The following CDH12 variants were observed in gnomAD, a reference collection of about 807,000 sequenced individuals.
CDH12 encodes the protein cadherin 12, also known as cadherin-12.
A neutral mutation model predicts 74.1 loss-of-function variants in CDH12; 41 were observed. The ratio of observed to expected loss-of-function variants is 0.55; its 90% CI spans 0.43 to 0.72. The LOEUF (loss-of-function observed/expected upper bound fraction) is 0.72, where lower values mean the gene tolerates loss of function less well. Among genes scored for constraint, CDH12 ranks in the 30% least tolerant of loss-of-function variants. CDH12 has a pLI of 0.00. For synonymous variants in CDH12, 399 were observed against 355.0 expected (o/e 1.12, Z -1.39); for missense variants, 945 against 977.2 (o/e 0.97, Z 0.44).
chr5:21,863,736 A>T (rs1374823032), intron 6 of CDH12, among the ~76,000 whole-genome samples: 1 of 152,196 alleles, frequency 6.6e-6, no homozygotes, highest in African/African-American at 2.4e-5. Context: ...AAAAGTAAGC[A>T]GCATTACTTT....
chr5:22,121,419 G>T (rs1227238151), intron 4 of CDH12, among the ~76,000 whole-genome samples: 1 of 152,150 alleles, frequency 6.6e-6, no homozygotes, highest in Non-Finnish European at 1.5e-5. Flanking sequence ...CATCCATTTG[G>T]CATTTGGAGG....
chr5:22,145,113 T>C (rs956554099), intron 4 of CDH12, among the ~76,000 whole-genome samples: 6 of 152,074 alleles, frequency 3.9e-5, no homozygotes, highest in African/African-American at 1.2e-4. Flanking sequence ...TCTGGGAACA[T>C]AGAAACTTGA....
intron 4 of CDH12, among the ~76,000 whole-genome samples, chr5:22,149,857 T>C (rs981182040): frequency 3.3e-5 from 5 of 152,060 alleles, no homozygotes; most frequent in African/African-American, 2.4e-5. Flanking sequence ...TAGCCAGGCA[T>C]GGTGGCAGGT....
intron 4 of CDH12, among the ~76,000 whole-genome samples, chr5:22,140,047 C>T (rs923383344): frequency 5.9e-5 from 9 of 152,198 alleles, no homozygotes; most frequent in Admixed American, 1.3e-4. Context: ...AACAAATCCC[C>T]GGAACTTTCA....
chr5:22,732,971 A>C (rs1279745059), intron 1 of CDH12, among the ~76,000 whole-genome samples: 1 of 151,900 alleles, frequency 6.6e-6, no homozygotes, highest in East Asian at 1.9e-4. Flanking sequence ...AACTAGTTTT[A>C]TTTTTTATAA....
intron 10 of CDH12, among the ~76,000 whole-genome samples, chr5:21,789,024 A>G (rs1479109848): frequency 6.6e-6 from 1 of 151,696 alleles, no homozygotes; most frequent in Admixed American, 6.6e-5. Context: ...TTCTTTAATG[A>G]TTTTTATTAT....
intron 9 of CDH12, among the ~76,000 whole-genome samples, chr5:21,814,871 A>AATT (rs1747957062): frequency 6.6e-6 from 1 of 151,822 alleles, no homozygotes; most frequent in Non-Finnish European, 1.5e-5. Flanking sequence ...CTTCTTAGGG[A>AATT]AAAAATTAAG....
chr5:22,402,234 T>C (rs1580610569), intron 3 of CDH12, among the ~76,000 whole-genome samples: 1 of 152,168 alleles, frequency 6.6e-6, no homozygotes, highest in African/African-American at 2.4e-5. Flanking sequence ...GGCAGAAACA[T>C]GAATATTAAG....
rs183101777 is a variant in CDH12 at position 22,098,121 on chromosome 5, C to A, written c.-186-19259G>T. 9.2e-5 allele frequency among the ~76,000 whole-genome samples: 14 copies of A among 152,288 alleles called. No homozygotes were observed. The East Asian group carries it at 2.5e-3, about 27-fold the overall frequency. ...TCCTTTACTATTCCTTTGCACCCTT[C>A]ATCCCAGCCTCTCTTTGCTTTCACT... On this transcript the variant is annotated intron_variant, in intron 4 of 14. Transcript: ENST00000382254.
chr5:22,687,552 C>T (rs1342872983), intron 1 of CDH12, among the ~76,000 whole-genome samples: 1 of 152,008 alleles, frequency 6.6e-6, no homozygotes, highest in African/African-American at 2.4e-5. Context: ...GGACTACAGG[C>T]ACAAGCCACC....
intron 1 of CDH12, among the ~76,000 whole-genome samples, chr5:22,672,377 A>G (rs1740949467): frequency 6.6e-6 from 1 of 151,766 alleles, no homozygotes; most frequent in Admixed American, 6.6e-5. Flanking sequence ...CTGTTGTAAT[A>G]GTATTAAGAG....
intron 3 of CDH12, among the ~76,000 whole-genome samples, chr5:22,315,723 CT>C (rs1406124681): frequency 6.6e-6 from 1 of 151,980 alleles, no homozygotes; most frequent in Non-Finnish European, 1.5e-5. Context: ...AATTTTTGGG[CT>C]TTAGGGGGAC....
rs75171198 is a variant in CDH12, at chr5:22,246,682, C to A, written c.-332-34039G>T. ...TTACGTAATTCCTTAGCAAGTGATT[C>A]TCAACAGGGCTTCACAAAATGTAAG... is the stretch of plus-strand genomic sequence containing the variant. On this transcript the variant is annotated intron_variant, in intron 3 of 14. Transcript: ENST00000382254. Among the ~76,000 whole-genome samples, 569 of 152,246 alleles carry A rather than the reference C, an allele frequency of 3.7e-3. 1 individual carries two copies. The highest frequency in any genetic ancestry group is 0.013 in the African/African-American group (540 of 41,556).
At chr5:22,827,609 C>T (rs1403904337) in intron 1 of CDH12, among the ~76,000 whole-genome samples, 1 of 152,136 alleles carries the variant, frequency 6.6e-6, no homozygotes, top group African/African-American at 2.4e-5. Flanking sequence ...CCCACTGAGG[C>T]CAGGCTCTTC....
intron 2 of CDH12, among the ~76,000 whole-genome samples, chr5:22,409,838 G>A (rs1034080889): frequency 6.6e-6 from 1 of 151,990 alleles, no homozygotes; most frequent in Non-Finnish European, 1.5e-5. Flanking sequence ...TGTTAATAAG[G>A]GTTTTGAGGC....
At chr5:22,032,032 AAAC>A (rs1021898027) in intron 5 of CDH12, among the ~76,000 whole-genome samples, 2 of 152,058 alleles carry the variant, frequency 1.3e-5, no homozygotes, top group African/African-American at 4.8e-5. Flanking sequence ...TCAAAACAAA[AAAC>A]AATATCTGCA....
chr5:22,012,277 TTAACTC>T (rs1291640696), intron 5 of CDH12, among the ~76,000 whole-genome samples: 5 of 141,826 alleles, frequency 3.5e-5, no homozygotes, highest in South Asian at 2.4e-4. Context: ...GTTTTTAACT[TTAACTC>T]TAATATAATT....
At chr5:22,283,229 TATATATATATATATATATATATAC>T (rs1736979828) in intron 3 of CDH12, among the ~76,000 whole-genome samples, 6 of 39,444 alleles carry the variant, frequency 1.5e-4, no homozygotes, top group African/African-American at 5.1e-4. Context: ...TATATATATA[TATATATATATATATATATATATAC>T]ACACACACAC....
At chr5:22,352,663 G>A (rs957084348) in intron 3 of CDH12, among the ~76,000 whole-genome samples, 36 of 152,162 alleles carry the variant, frequency 2.4e-4, no homozygotes, top group African/African-American at 8.7e-4. Flanking sequence ...TGTCATGAAA[G>A]AGAACCAGTT....
Sources: gnomAD v4.1 joint callset for allele counts (sites outside exome capture counted in the v4.1 genomes callset) on GRCh38, gnomAD v4.1.1 for gene constraint, MANE v1.5 for transcripts, NCBI Gene and HGNC (gene_info 2026-07-23, HGNC 2026-07-21) for gene names.